Variants in PLPPR5 observed in about 807,000 individuals in gnomAD.
PLPPR5 encodes phospholipid phosphatase related 5.
In PLPPR5, 16 loss-of-function variants were observed where a neutral mutation model predicts 33.9. The observed-to-expected ratio is 0.47, with a 90% CI of 0.32 to 0.72. The LOEUF (loss-of-function observed/expected upper bound fraction) is 0.72, where lower values mean the gene tolerates loss of function less well. Among genes scored for constraint, PLPPR5 ranks in the 30% least tolerant of loss-of-function variants. The probability of loss-of-function intolerance (pLI) is 0.03; values close to 1 mark genes in which losing one functional copy is unlikely to be tolerated. For synonymous variants in PLPPR5, 163 were observed against 150.3 expected (o/e 1.08, Z -0.62); for missense variants, 301 against 406.7 (o/e 0.74, Z 2.23).
chr1:98,953,061 C>T lies in PLPPR5; in HGVS notation c.621+9G>A. On this transcript the variant is annotated intron_variant, in intron 3 of 5. Coordinates refer to ENST00000263177, the MANE Select transcript of PLPPR5 (RefSeq NM_001037317.2). ...AGACTAAGACAACAAATTTATAATC[C>T]TTACTTACGGTCAGATACATAGCTG... The T allele has an allele frequency of 6.2e-7, 1 of 1,613,554 alleles. No homozygotes were observed. Among genetic ancestry groups the T allele is most frequent in the Non-Finnish European group, 8.5e-7 (1 of 1,179,694 alleles).
chr1:98,943,598 G>A (rs534590135), intron 3 of PLPPR5, among the ~76,000 whole-genome samples: 18 of 152,238 alleles, frequency 1.2e-4, no homozygotes, highest in African/African-American at 4.3e-4. Context: ...GCATAAATGG[G>A]GATGCACAAT....
rs1248849432 is a variant in PLPPR5, at chr1:98,921,926, C to T, written c.754G>A (p.Val252Ile). 1.9e-6 allele frequency: 3 copies of T among 1,613,840 alleles called. No homozygotes were observed. The highest frequency in any genetic ancestry group is 1.7e-5 in the Admixed American group (1 of 59,966). Residue 252 changes from valine (V) to isoleucine (I), a missense_variant, in exon 4 of 6, where the codon GTT (valine) becomes ATT (isoleucine). Physicochemically the swap from Val to Ile is conservative, Grantham distance 29. Transcript: ENST00000263177. The stretch of plus-strand genomic sequence containing the variant: ...ATTCCAACCAGAAAGCCTGCTATAA[C>T]ATCTGACCAATGATTTCGATATTCT... ...VAEYRNHWSD[V>I]IAGFLVGISI...
chr1:98,978,015 C>G (rs1207458811), intron 1 of PLPPR5, among the ~76,000 whole-genome samples: 1 of 151,930 alleles, frequency 6.6e-6, no homozygotes. Context: ...ATGAATGTGA[C>G]TTTAGATAAA....
intron 1 of PLPPR5, among the ~76,000 whole-genome samples, chr1:99,001,655 G>T (rs1652847562): frequency 7.7e-6 from 1 of 129,076 alleles, no homozygotes; most frequent in Non-Finnish European, 1.6e-5. Flanking sequence ...AACTAGAAAT[G>T]AGTTTGAAAG....
intron 1 of PLPPR5, among the ~76,000 whole-genome samples, chr1:98,961,388 C>T (rs1570736379): frequency 6.6e-6 from 1 of 152,152 alleles, no homozygotes; most frequent in South Asian, 2.1e-4. Context: ...TAGCTCTCAG[C>T]TTGACCTCAA....
chr1:98,921,400 A>G (rs1174679891), intron 4 of PLPPR5, among the ~76,000 whole-genome samples: 1 of 152,178 alleles, frequency 6.6e-6, no homozygotes, highest in Non-Finnish European at 1.5e-5. Flanking sequence ...CAGGGAGAGT[A>G]CAGCAGGGAC....
intron 1 of PLPPR5, among the ~76,000 whole-genome samples, chr1:98,993,114 C>T (rs1652507899): frequency 6.6e-6 from 1 of 152,092 alleles, no homozygotes; most frequent in Non-Finnish European, 1.5e-5. Flanking sequence ...GCTCTATATA[C>T]GTCAGCTACT....
chr1:98,921,574 C>A (rs1460936469), intron 4 of PLPPR5, among the ~76,000 whole-genome samples: 1 of 152,062 alleles, frequency 6.6e-6, no homozygotes, highest in East Asian at 1.9e-4. Flanking sequence ...GCAGTTTTTA[C>A]CCAGTCTTAA....
At chr1:98,958,965 A>G (rs528504530) in intron 1 of PLPPR5, among the ~76,000 whole-genome samples, 12 of 152,148 alleles carry the variant, frequency 7.9e-5, no homozygotes, top group Admixed American at 6.5e-4. Flanking sequence ...ACTGCACCCC[A>G]ACTCAGGCTA....
At chr1:98,975,975 A>G (rs1384251425) in intron 1 of PLPPR5, among the ~76,000 whole-genome samples, 1 of 151,722 alleles carries the variant, frequency 6.6e-6, no homozygotes, top group Admixed American at 6.6e-5. Flanking sequence ...GAGTTTATTA[A>G]TGAATACATA....
In PLPPR5 at chr1:98,892,943, A is replaced by AT; in HGVS notation, c.*128dup. 1 of 915,462 alleles carries AT rather than the reference A, an allele frequency of 1.1e-6. No homozygotes were observed. Among genetic ancestry groups the AT allele is most frequent in the Non-Finnish European group, 1.7e-6 (1 of 594,234 alleles). The allele number at this position is 915,462 out of a possible 1,614,324, so 56.7% of individuals were successfully genotyped here. On this transcript the variant is annotated 3_prime_UTR_variant, in exon 6 of 6. Transcript: ENST00000263177. ...GGGGGAAACAGATAGGTTGACATTG[A>AT]TTTTAAAATTATAAAAATTATTAAA...
At chr1:98,956,471 T>C in intron 2 of PLPPR5, 138 bp downstream of exon 2, 1 of 854,022 alleles carries the variant, frequency 1.2e-6, no homozygotes, top group Non-Finnish European at 1.7e-6. Context: ...TAATGTTTAT[T>C]TTTAAAAGCA....
chr1:98,940,171 T>A (rs1391771124), intron 3 of PLPPR5, among the ~76,000 whole-genome samples: 1 of 151,780 alleles, frequency 6.6e-6, no homozygotes, highest in African/African-American at 2.4e-5. Flanking sequence ...AGACAGAATT[T>A]AATTTTCTCA....
intron 4 of PLPPR5, among the ~76,000 whole-genome samples, chr1:98,919,590 T>G (rs549526111): frequency 2.6e-5 from 4 of 152,254 alleles, no homozygotes; most frequent in African/African-American, 9.6e-5. Flanking sequence ...TCACCTTCCA[T>G]GTTCCACCAG....
chr1:99,001,211 T>G (rs1053652463), intron 1 of PLPPR5, among the ~76,000 whole-genome samples: 3 of 150,608 alleles, frequency 2.0e-5, no homozygotes, highest in African/African-American at 7.3e-5. Flanking sequence ...CTCTGCTCAC[T>G]GCAAGCTCCA....
At chr1:98,985,161 A>T (rs777240786) in intron 1 of PLPPR5, among the ~76,000 whole-genome samples, 1 of 152,042 alleles carries the variant, frequency 6.6e-6, no homozygotes, top group Non-Finnish European at 1.5e-5. Flanking sequence ...GGTTTGGTGA[A>T]GTCTCCTCTC....
At chr1:98,901,294 T>C (rs547989083) in intron 5 of PLPPR5, among the ~76,000 whole-genome samples, 7 of 151,982 alleles carry the variant, frequency 4.6e-5, no homozygotes, top group African/African-American at 7.2e-5. Flanking sequence ...AAGTTGGAGA[T>C]TGAAGGAGGG....
At chr1:98,995,984 T>C (rs1652617089) in intron 1 of PLPPR5, among the ~76,000 whole-genome samples, 2 of 151,936 alleles carry the variant, frequency 1.3e-5, no homozygotes, top group Admixed American at 1.3e-4. Flanking sequence ...CAAGTCTAGT[T>C]ATGGAAATGT....
chr1:98,980,926 C>T lies in PLPPR5; in HGVS notation c.237+23509G>A, dbSNP rs79577037. On this transcript the variant is annotated intron_variant, in intron 1 of 5. Coordinates refer to ENST00000263177, the MANE Select transcript of PLPPR5 (RefSeq NM_001037317.2). ...CATGATGCAAATAACAGTTTAACAT[C>T]AGGTAGCATGTTTGTGACAAAAGTT... Among the ~76,000 whole-genome samples the T allele has an allele frequency of 3.9e-3, 597 of 152,086 alleles. 3 individuals carry two copies. The highest frequency in any genetic ancestry group is 0.014 in the African/African-American group (564 of 41,482).
Sources: allele counts gnomAD v4.1 joint callset (sites outside exome capture counted in the v4.1 genomes callset), GRCh38; gene constraint gnomAD v4.1.1; transcripts MANE v1.5; gene names NCBI Gene and HGNC (gene_info 2026-07-23, HGNC 2026-07-21).